FRRS1: variants seen among roughly 807,000 people sequenced by gnomAD.
The protein encoded by FRRS1 is ferric chelate reductase 1.
A neutral mutation model predicts 70.7 loss-of-function variants in FRRS1; 51 were observed. That is an observed-to-expected ratio of 0.72 (90% CI 0.58 to 0.91). The LOEUF (loss-of-function observed/expected upper bound fraction) is 0.91, where lower values mean the gene tolerates loss of function less well. Ranked by LOEUF, FRRS1 falls within the 40% of genes least tolerant of loss-of-function variation. FRRS1 has a pLI of 0.00. For synonymous variants in FRRS1, 225 were observed against 238.7 expected (o/e 0.94, Z 0.53); for missense variants, 672 against 726.0 (o/e 0.93, Z 0.86).
intron 10 of FRRS1, 24 bp from the exon 11 acceptor site, chr1:99,717,549 G>A: frequency 1.4e-6 from 2 of 1,462,332 alleles, no homozygotes. Flanking sequence ...AAATGCAATA[G>A]TAGACAATCA....
At chr1:99,747,622 A>C (rs1293086472) in intron 3 of FRRS1, 192 bp from the exon 4 acceptor site, 1 of 545,092 alleles carries the variant, frequency 1.8e-6, no homozygotes, top group Non-Finnish European at 3.2e-6. Flanking sequence ...TAAGATATTC[A>C]ATCTGTGAGA....
intron 1 of FRRS1, among the ~76,000 whole-genome samples, chr1:99,759,607 C>T (rs1048755645): frequency 3.9e-5 from 6 of 152,088 alleles, no homozygotes; most frequent in African/African-American, 7.2e-5. Flanking sequence ...AGGAGATTGA[C>T]AGAGTCAGCA....
At chr1:99,752,143 C>T (rs915690009) in intron 1 of FRRS1, among the ~76,000 whole-genome samples, 1 of 152,120 alleles carries the variant, frequency 6.6e-6, no homozygotes, top group Non-Finnish European at 1.5e-5. Flanking sequence ...AAACTTTCTC[C>T]ATATCAACAA....
chr1:99,749,962 A>G (rs1267163209), intron 1 of FRRS1, among the ~76,000 whole-genome samples: 1 of 152,238 alleles, frequency 6.6e-6, no homozygotes, highest in African/African-American at 2.4e-5. Flanking sequence ...ATAGAAAAGG[A>G]GTTTTCTATA....
In FRRS1 at chr1:99,717,323, A is replaced by G. The variant is rs562149889; in HGVS notation, c.1236+87T>C. The G allele has an allele frequency of 1.0e-4, 88 of 871,606 alleles. No homozygotes were observed. The African/African-American group carries it at 1.3e-3, about 13-fold the overall frequency. 54.0% of individuals were successfully genotyped at this position (871,606 alleles called of 1,614,324 possible). A position where few individuals can be genotyped will look rare whatever the true frequency, so the allele number is the denominator to read the frequency against. On this transcript the variant is annotated intron_variant, in intron 11 of 16. Coordinates refer to ENST00000646001, the MANE Select transcript of FRRS1 (RefSeq NM_001361041.2). Reference sequence around the variant, plus strand: ...ACCTACAACTGCAACCACAAAACGCATACACATACACACATACTTCATATG... The same window carrying G: ...ACCTACAACTGCAACCACAAAACGCGTACACATACACACATACTTCATATG...
At chr1:99,710,701 T>C (rs1311358655) in intron 15 of FRRS1, 105 bp downstream of exon 15, 12 of 941,658 alleles carry the variant, frequency 1.3e-5, no homozygotes, top group Non-Finnish European at 1.9e-5. Context: ...AAGTTTTTAG[T>C]GAGCTAACAA....
intron 1 of FRRS1, among the ~76,000 whole-genome samples, chr1:99,757,074 G>C (rs1474468601): frequency 6.9e-6 from 1 of 145,812 alleles, no homozygotes; most frequent in Non-Finnish European, 1.5e-5. Context: ...ATTTGGAAAA[G>C]GGTCTCTTTT....
chr1:99,734,628 C>T (rs6670361), intron 7 of FRRS1, among the ~76,000 whole-genome samples: 30,673 of 152,076 alleles, frequency 0.2, 3,203 homozygotes, highest in East Asian at 0.27. Context: ...TCAAAACCAA[C>T]ATTTCTCTGA....
intron 9 of FRRS1, among the ~76,000 whole-genome samples, chr1:99,728,172 C>G (rs372332017): frequency 1.3e-5 from 2 of 152,236 alleles, no homozygotes; most frequent in Admixed American, 6.5e-5. Flanking sequence ...CAATGTTAAT[C>G]TACTATCACT....
At chr1:99,724,903 T>C (rs1157051571) in intron 9 of FRRS1, among the ~76,000 whole-genome samples, 1 of 151,942 alleles carries the variant, frequency 6.6e-6, no homozygotes, top group African/African-American at 2.4e-5. Context: ...TAATACATAT[T>C]GTATTAATAT....
At chr1:99,742,659 A>G (rs1184911759) in intron 4 of FRRS1, among the ~76,000 whole-genome samples, 1 of 152,228 alleles carries the variant, frequency 6.6e-6, no homozygotes, top group Non-Finnish European at 1.5e-5. Flanking sequence ...AATACGTAGC[A>G]TGATATTTTA....
Position 99,706,560 on chromosome 1 carries a change from A to G in FRRS1, c.*2468T>C, listed in dbSNP as rs548355250. On this transcript the variant is annotated 3_prime_UTR_variant, in exon 17 of 17. Coordinates refer to ENST00000646001, the MANE Select transcript of FRRS1 (RefSeq NM_001361041.2). ...AACACTCGAAATATAGCAAGCCCAC[A>G]TATTTGAAGACCAAACACATCAAGA... Among the ~76,000 whole-genome samples the G allele has an allele frequency of 9.7e-4, 148 of 152,312 alleles. No individual in the cohort carries two copies. The highest frequency in any genetic ancestry group is 2.3e-3 in the East Asian group (12 of 5,188).
intron 1 of FRRS1, among the ~76,000 whole-genome samples, chr1:99,764,962 C>CT (rs1657282346): frequency 6.6e-6 from 1 of 152,172 alleles, no homozygotes; most frequent in Non-Finnish European, 1.5e-5. Flanking sequence ...CATTTGGTGA[C>CT]TTGTCTTTTG....
intron 7 of FRRS1, among the ~76,000 whole-genome samples, chr1:99,736,554 G>A (rs1388363317): frequency 1.4e-5 from 2 of 147,042 alleles, no homozygotes; most frequent in African/African-American, 5.2e-5. Flanking sequence ...TCACTCATAA[G>A]TGGGAATTGA....
intron 14 of FRRS1, 99 bp downstream of exon 14, chr1:99,712,006 C>T: frequency 3.9e-6 from 3 of 759,978 alleles, no homozygotes; most frequent in South Asian, 1.8e-5. Flanking sequence ...CCAATTACTC[C>T]AATTACTAAT....
intron 4 of FRRS1, among the ~76,000 whole-genome samples, chr1:99,746,215 C>T (rs1181030454): frequency 6.6e-6 from 1 of 152,232 alleles, no homozygotes; most frequent in African/African-American, 2.4e-5. Flanking sequence ...ATGTCTCTAA[C>T]TCAGTCTCTA....
chr1:99,747,289 C>T lies in FRRS1; in HGVS notation c.333+5G>A. The T allele has an allele frequency of 1.9e-6, 3 of 1,609,882 alleles. No individual in the cohort carries two copies. The highest frequency in any genetic ancestry group is 2.5e-6 in the Non-Finnish European group (3 of 1,178,242). Reference sequence around the variant, plus strand: ...ATTGTTCAAGGATCAACTCTAAACACAAACCTGTATATCTTCACAGGTCAA... The same window carrying T: ...ATTGTTCAAGGATCAACTCTAAACATAAACCTGTATATCTTCACAGGTCAA... On this transcript the variant is annotated splice_donor_5th_base_variant and intron_variant, in intron 4 of 16. Coordinates refer to ENST00000646001, the MANE Select transcript of FRRS1 (RefSeq NM_001361041.2).
At position 99,712,374 on chromosome 1, in the gene FRRS1, A is replaced by T. The variant is rs114525350; in HGVS notation, c.1421+44T>A. On this transcript the variant is annotated intron_variant, in intron 13 of 16. Transcript: ENST00000646001. ...AAACAGATTAGTTTGCCAACTAATG[A>T]TATCTACATTAAGAGAGCATTTATA... is the stretch of plus-strand genomic sequence containing the variant. The T allele has an allele frequency of 6.3e-4, 828 of 1,311,538 alleles. 9 individuals carry two copies. The African/African-American group carries it at 0.011, about 18-fold the overall frequency. 81.2% of individuals were successfully genotyped at this position (1,311,538 alleles called of 1,614,324 possible). A position where few individuals can be genotyped will look rare whatever the true frequency, so the allele number is the denominator to read the frequency against.
At position 99,709,239 on chromosome 1, in the gene FRRS1, T is replaced by C. The variant is rs1438621119; in HGVS notation, c.1645A>G (p.Arg549Gly). 2 of 1,605,600 alleles carry C rather than the reference T, an allele frequency of 1.2e-6. No homozygotes were observed. Among genetic ancestry groups the C allele is most frequent in the African/African-American group, 1.3e-5 (1 of 74,742 alleles). ...GTAAATGACTGAAGGATCTGAATTCTGTCATCATCCAATATTTCAACTGTC... is the reference window on the plus strand; with the variant it reads ...GTAAATGACTGAAGGATCTGAATTCCGTCATCATCCAATATTTCAACTGTC... ...SRKVEILDDD[R>G]IQILQSFTAV... The change falls in exon 16 of 17, where the codon AGA becomes GGA. Residue 549 changes from arginine (R) to glycine (G), a missense_variant. Physicochemically the swap from Arg to Gly is moderately radical, Grantham distance 125 (BLOSUM62 -2). Transcript: ENST00000646001.
Sources: gnomAD v4.1 joint callset for allele counts (sites outside exome capture counted in the v4.1 genomes callset) on GRCh38, gnomAD v4.1.1 for gene constraint, MANE v1.5 for transcripts, NCBI Gene and HGNC (gene_info 2026-07-23, HGNC 2026-07-21) for gene names.